Variants in ACTL6A observed in about 807,000 individuals in gnomAD.
ACTL6A encodes the protein actin like 6A.
ACTL6A carries 5 observed loss-of-function variants against 59.2 expected under a neutral mutation model. The observed-to-expected ratio is 0.08, with a 90% CI of 0.04 to 0.18. The LOEUF (loss-of-function observed/expected upper bound fraction) is 0.18. Among genes scored for constraint, ACTL6A ranks in the 10% least tolerant of loss-of-function variants. The pLI is 1.00. For synonymous variants in ACTL6A, 154 were observed against 171.8 expected (o/e 0.90, Z 0.81); for missense variants, 285 against 526.9 (o/e 0.54, Z 4.49).
At chr3:179,566,992 G>T (rs541990860) in intron 1 of ACTL6A, among the ~76,000 whole-genome samples, 1 of 152,100 alleles carries the variant, frequency 6.6e-6, no homozygotes, top group Admixed American at 6.5e-5. Context: ...CGCCCTGCCT[G>T]AATTTTCTCT....
intron 11 of ACTL6A, 128 bp downstream of exon 11, chr3:179,581,348 C>A: frequency 1.3e-6 from 1 of 766,656 alleles, no homozygotes; most frequent in South Asian, 1.8e-5. Flanking sequence ...CATTTTATAA[C>A]AGTATATGTA....
chr3:179,575,029 G>A, intron 5 of ACTL6A: 1 of 196,144 alleles, frequency 5.1e-6, no homozygotes, highest in Non-Finnish European at 1.1e-5. Flanking sequence ...ATTTGGTAGA[G>A]ATGGAGTTTC....
chr3:179,574,980 T>C (rs1457151917), intron 5 of ACTL6A: 3 of 188,068 alleles, frequency 1.6e-5, no homozygotes, highest in Non-Finnish European at 3.3e-5. Flanking sequence ...TTCTTTACGC[T>C]GTTGCTCTAA....
chr3:179,567,135 G>A (rs1187494862), intron 1 of ACTL6A, among the ~76,000 whole-genome samples: 1 of 152,158 alleles, frequency 6.6e-6, no homozygotes, highest in Admixed American at 6.5e-5. Context: ...GGAGGGCAAG[G>A]CGAGTGGATC....
chr3:179,564,341 C>G (rs886568206), intron 1 of ACTL6A, among the ~76,000 whole-genome samples: 1 of 152,044 alleles, frequency 6.6e-6, no homozygotes, highest in African/African-American at 2.4e-5. Flanking sequence ...TTCATGTTCC[C>G]CAAGAAAATC....
chr3:179,571,010 G>A (rs1717987662), intron 3 of ACTL6A, among the ~76,000 whole-genome samples: 2 of 152,170 alleles, frequency 1.3e-5, no homozygotes, highest in South Asian at 2.1e-4. Context: ...GGGAGTGAAA[G>A]CAAGAGAGAA....
Position 179,570,498 on chromosome 3 carries a change from T to C in ACTL6A, c.277+257T>C. On this transcript the variant is annotated intron_variant, in intron 3 of 13. Coordinates refer to ENST00000429709, the MANE Select transcript of ACTL6A (RefSeq NM_004301.5). This position sits in a 1 kb window ranked among gnomAD's most constrained non-coding sequence, Gnocchi z 4.3. ...GTACACTGTGGGATAAGTGGTACAA[T>C]ATAGGTATGTGCAATGAGCAATGGG... 1 of 319,046 alleles carries C rather than the reference T, an allele frequency of 3.1e-6. No homozygotes were observed. The highest frequency in any genetic ancestry group is 5.8e-6 in the Non-Finnish European group (1 of 172,816). The allele number at this position is 319,046 out of a possible 1,614,324, so 19.8% of individuals were successfully genotyped here. A position where few individuals can be genotyped will look rare whatever the true frequency, so the allele number is the denominator to read the frequency against.
In ACTL6A at chr3:179,571,619, A is replaced by G. The variant is rs188771147; in HGVS notation, c.277+1378A>G. On this transcript the variant is annotated intron_variant, in intron 3 of 13. Coordinates refer to ENST00000429709, the MANE Select transcript of ACTL6A (RefSeq NM_004301.5). The stretch of plus-strand genomic sequence containing the variant: ...GGACAGGGGATGATGAAGTCCAGAT[A>G]CAGGCTTTGGAGAGTCTTCTCACAG... Among the ~76,000 whole-genome samples, 202 of 152,326 alleles carry G rather than the reference A, an allele frequency of 1.3e-3. 1 individual carries two copies. Among genetic ancestry groups the G allele is most frequent in the African/African-American group, 4.6e-3 (192 of 41,584 alleles).
intron 11 of ACTL6A, 166 bp from the exon 12 acceptor site, chr3:179,583,187 C>A: frequency 2.1e-6 from 1 of 472,200 alleles, no homozygotes; most frequent in South Asian, 3.1e-5. Flanking sequence ...AATGTACAGC[C>A]AGGATGGAGA....
intron 8 of ACTL6A, among the ~76,000 whole-genome samples, chr3:179,579,614 C>G (rs1042324691): frequency 1.3e-5 from 2 of 151,966 alleles, no homozygotes; most frequent in South Asian, 2.1e-4. Context: ...ATGGTGAGAC[C>G]CCATCTCTAC....
intron 8 of ACTL6A, among the ~76,000 whole-genome samples, chr3:179,577,243 A>G (rs1438556556): frequency 6.6e-6 from 1 of 152,126 alleles, no homozygotes; most frequent in East Asian, 1.9e-4. Flanking sequence ...GTTTTATGCT[A>G]TTCTGAACAT....
chr3:179,570,791 A>AT lies in ACTL6A; in HGVS notation c.277+550_277+551insT, dbSNP rs1717981696. On this transcript the variant is annotated intron_variant, in intron 3 of 13. Coordinates refer to ENST00000429709, the MANE Select transcript of ACTL6A (RefSeq NM_004301.5). The surrounding 1 kb of genome is among the most constrained non-coding windows in gnomAD (Gnocchi z 4.3). ...GGCAGAGAGCAGTAGCAGGAAAGGT[A>AT]GGCAGGGAGCAGTCATAAAAGGGCT... is the stretch of plus-strand genomic sequence containing the variant. Among the ~76,000 whole-genome samples the AT allele has an allele frequency of 6.6e-6, 1 of 152,220 alleles. No individual in the cohort carries two copies. Among genetic ancestry groups the AT allele is most frequent in the Non-Finnish European group, 1.5e-5 (1 of 68,032 alleles).
At chr3:179,586,467 GAAAAAA>G in intron 12 of ACTL6A, 73 bp from the exon 13 acceptor site, 5 of 749,436 alleles carry the variant, frequency 6.7e-6, no homozygotes, top group Non-Finnish European at 7.6e-6. Context: ...GTCTCTATTT[GAAAAAA>G]AAAAAAAAAA....
chr3:179,572,452 A>G (rs576825493), intron 3 of ACTL6A, among the ~76,000 whole-genome samples: 2 of 152,346 alleles, frequency 1.3e-5, no homozygotes, highest in East Asian at 3.9e-4. Flanking sequence ...CAATACTGTC[A>G]TAATTTAGAG....
At chr3:179,580,200 CACA>C (rs1377484932) in intron 8 of ACTL6A, among the ~76,000 whole-genome samples, 2 of 152,172 alleles carry the variant, frequency 1.3e-5, no homozygotes, top group African/African-American at 4.8e-5. Flanking sequence ...CGTGTTAGTT[CACA>C]ACATTTTATT....
At chr3:179,569,793 T>C (rs767233623) in intron 1 of ACTL6A, 31 bp from the exon 2 acceptor site, 2 of 1,593,388 alleles carry the variant, frequency 1.3e-6, no homozygotes. Flanking sequence ...TTTTGCAAGC[T>C]GTTAATGCTA....
chr3:179,587,781 C>A, intron 13 of ACTL6A, 149 bp from the exon 14 acceptor site: 3 of 587,220 alleles, frequency 5.1e-6, no homozygotes, highest in Middle Eastern at 4.5e-4. Flanking sequence ...TCCCTTGAAC[C>A]AAGAAGTTCG....
In ACTL6A at chr3:179,563,159, G is replaced by A. The variant is rs747142394; in HGVS notation, c.25+42G>A. The A allele has an allele frequency of 1.0e-5, 16 of 1,592,786 alleles. No homozygotes were observed. The Middle Eastern group carries it at 5.0e-4, about 50-fold the overall frequency. ...GGACGAGAGAGCGCGCCTTTTCGGC[G>A]TGTGGGGTTTGTAACCGCCGCTCCC... On this transcript the variant is annotated intron_variant, in intron 1 of 13. Coordinates refer to ENST00000429709, the MANE Select transcript of ACTL6A (RefSeq NM_004301.5).
At chr3:179,583,525 G>T (rs187525986) in intron 12 of ACTL6A, 77 bp downstream of exon 12, 5 of 1,179,870 alleles carry the variant, frequency 4.2e-6, no homozygotes, top group Non-Finnish European at 6.2e-6. Flanking sequence ...GTAGATAAGC[G>T]TCCATTTTTC....
Sources: allele counts gnomAD v4.1 joint callset (sites outside exome capture counted in the v4.1 genomes callset), GRCh38; gene constraint gnomAD v4.1.1; non-coding constraint Gnocchi (gnomAD v3.1); transcripts MANE v1.5; gene names NCBI Gene and HGNC (gene_info 2026-07-23, HGNC 2026-07-21).